MIS18A: variants seen among roughly 807,000 people sequenced by gnomAD.
MIS18A encodes protein Mis18-alpha.
A neutral mutation model predicts 25.0 loss-of-function variants in MIS18A; 14 were observed. That is an observed-to-expected ratio of 0.56 (90% CI 0.37 to 0.88). The LOEUF is 0.88. MIS18A is among the 40% of genes least tolerant of loss of function. The pLI is 0.00. For synonymous variants in MIS18A, 134 were observed against 118.6 expected (o/e 1.13, Z -0.84); for missense variants, 292 against 290.8 (o/e 1.00, Z -0.03).
At chr21:32,242,783 G>A in the MIS18A span, among the ~76,000 whole-genome samples, 2 of 152,208 alleles carry the variant, frequency 1.3e-5, no homozygotes, top group African/African-American at 4.8e-5. Flanking sequence ...CTGATGGATG[G>A]ACAGGGGTAG....
chr21:32,209,761 G>GT, the MIS18A span, among the ~76,000 whole-genome samples: 1 of 152,118 alleles, frequency 6.6e-6, no homozygotes, highest in Non-Finnish European at 1.5e-5. Flanking sequence ...AGATCCGATG[G>GT]TTTTTTAAGG....
chr21:32,202,421 C>T, the MIS18A span, among the ~76,000 whole-genome samples: 2 of 152,078 alleles, frequency 1.3e-5, no homozygotes, highest in African/African-American at 4.8e-5. Context: ...GCACAAGATG[C>T]TATGTAAAAC....
intron 2 of MIS18A, among the ~76,000 whole-genome samples, chr21:32,274,204 T>C: frequency 7.5e-6 from 1 of 132,608 alleles, no homozygotes; most frequent in Non-Finnish European, 1.6e-5. Context: ...CTTCTTTTTT[T>C]TTTTTTTTTT....
the MIS18A span, among the ~76,000 whole-genome samples, chr21:32,184,820 G>A: frequency 6.6e-6 from 1 of 151,994 alleles, no homozygotes; most frequent in Non-Finnish European, 1.5e-5. Context: ...ACTACTCATT[G>A]CCACTCTCTC....
At chr21:32,276,936 C>A (rs1007987143) in intron 1 of MIS18A, among the ~76,000 whole-genome samples, 1 of 151,786 alleles carries the variant, frequency 6.6e-6, no homozygotes, top group Non-Finnish European at 1.5e-5. Flanking sequence ...CCCACTATAA[C>A]CCTATTAAAA....
the MIS18A span, among the ~76,000 whole-genome samples, chr21:32,241,948 G>A: frequency 6.6e-6 from 1 of 152,248 alleles, no homozygotes; most frequent in South Asian, 2.1e-4. Flanking sequence ...GCGCCATCTC[G>A]GCTCACTGCA....
chr21:32,220,027 G>T, the MIS18A span, among the ~76,000 whole-genome samples: 1 of 152,222 alleles, frequency 6.6e-6, no homozygotes, highest in Admixed American at 6.5e-5. Context: ...CCACCTGGGG[G>T]AAGGGGCGGC....
In MIS18A at chr21:32,268,925, G is replaced by C. The variant is rs2031658284; in HGVS notation, c.*112C>G. 1 of 777,158 alleles carries C rather than the reference G, an allele frequency of 1.3e-6. No individual in the cohort carries two copies. The allele number at this position is 777,158 out of a possible 1,614,324, so 48.1% of individuals were successfully genotyped here. On this transcript the variant is annotated 3_prime_UTR_variant, in exon 5 of 5. Transcript: ENST00000290130. The stretch of plus-strand genomic sequence containing the variant: ...CCCACCTCAGCGTTTCGCATGCCTG[G>C]CTAATTTTTTTTTTCTTTTTTTTTT...
the MIS18A span, among the ~76,000 whole-genome samples, chr21:32,180,007 A>G: frequency 6.6e-6 from 1 of 152,218 alleles, no homozygotes; most frequent in African/African-American, 2.4e-5. Flanking sequence ...AGATTCCACA[A>G]TAGAGCGGAC....
At chr21:32,258,875 TTTACTTAC>T in the MIS18A span, among the ~76,000 whole-genome samples, 2,298 of 101,106 alleles carry the variant, frequency 0.023, 55 homozygotes, top group African/African-American at 0.074. Flanking sequence ...TATTTATTTA[TTTACTTAC>T]TTACTTACTT....
chr21:32,222,569 G>C, the MIS18A span, among the ~76,000 whole-genome samples: 10 of 152,238 alleles, frequency 6.6e-5, no homozygotes, highest in African/African-American at 2.4e-4. Flanking sequence ...AAATGCAAAA[G>C]AACAAGAATC....
At chr21:32,229,749 G>A in the MIS18A span, among the ~76,000 whole-genome samples, 1 of 152,152 alleles carries the variant, frequency 6.6e-6, no homozygotes, top group East Asian at 1.9e-4. Context: ...CCCATCAGCG[G>A]ATCAATATGT....
chr21:32,164,363 T>C, the MIS18A span, among the ~76,000 whole-genome samples: 2 of 152,198 alleles, frequency 1.3e-5, no homozygotes, highest in Non-Finnish European at 2.9e-5. Context: ...GGCGTGAGAG[T>C]ACTCAGGAAT....
In MIS18A at chr21:32,269,680, G is replaced by T. The variant is rs770793484; in HGVS notation, c.621+27C>A. 4.4e-6 allele frequency: 6 copies of T among 1,353,264 alleles called. No individual in the cohort carries two copies. The Admixed American group carries it at 1.0e-4, about 23-fold the overall frequency. The allele number at this position is 1,353,264 out of a possible 1,614,324, so 83.8% of individuals were successfully genotyped here. Reference sequence around the variant, plus strand: ...TTCACTGACAAACTGTTCATACAAAGATATAAAATGTACAGAATAAAATTA... The same window carrying T: ...TTCACTGACAAACTGTTCATACAAATATATAAAATGTACAGAATAAAATTA... On this transcript the variant is annotated intron_variant, in intron 4 of 4. Coordinates refer to ENST00000290130, the MANE Select transcript of MIS18A (RefSeq NM_018944.3).
intron 2 of MIS18A, among the ~76,000 whole-genome samples, chr21:32,271,317 C>T (rs990928340): frequency 1.3e-5 from 2 of 152,154 alleles, no homozygotes; most frequent in Admixed American, 6.5e-5. Context: ...ACACCACAAA[C>T]GATTTTTATT....
chr21:32,188,546 G>A, the MIS18A span, among the ~76,000 whole-genome samples: 8 of 152,200 alleles, frequency 5.3e-5, no homozygotes, highest in African/African-American at 9.7e-5. Context: ...GACATCAAGC[G>A]CTGGGTGGAA....
rs142364867 is a variant in MIS18A, at chr21:32,272,099, C to A, written c.402-1570G>T. 1.0e-3 allele frequency among the ~76,000 whole-genome samples: 154 copies of A among 152,370 alleles called. 1 individual carries two copies. Among genetic ancestry groups the A allele is most frequent in the African/African-American group, 3.6e-3 (148 of 41,590 alleles). On this transcript the variant is annotated intron_variant, in intron 2 of 4. Coordinates refer to ENST00000290130, the MANE Select transcript of MIS18A (RefSeq NM_018944.3). Reference sequence around the variant, plus strand: ...ATGGTAGCTAGTATTAAGGCAGCAACTTTCCGCTTTCACAGTTGGCAAGAA... The same window carrying A: ...ATGGTAGCTAGTATTAAGGCAGCAAATTTCCGCTTTCACAGTTGGCAAGAA...
chr21:32,161,473 G>GT, the MIS18A span, among the ~76,000 whole-genome samples: 1 of 137,850 alleles, frequency 7.3e-6, no homozygotes, highest in African/African-American at 3.1e-5. Flanking sequence ...TTGGAAGCTT[G>GT]TTTTTTGTTT....
At chr21:32,256,942 C>T in the MIS18A span, among the ~76,000 whole-genome samples, 5 of 152,168 alleles carry the variant, frequency 3.3e-5, no homozygotes, top group Admixed American at 3.3e-4. Flanking sequence ...AAAGTCTGCT[C>T]ATTCACAGAT....
Sources: gnomAD v4.1 joint callset for allele counts (sites outside exome capture counted in the v4.1 genomes callset) on GRCh38, gnomAD v4.1.1 for gene constraint, MANE v1.5 for transcripts, NCBI Gene and HGNC (gene_info 2026-07-23, HGNC 2026-07-21) for gene names.